ST3GAL4: variants seen among roughly 807,000 people sequenced by gnomAD.
ST3GAL4 encodes the protein ST3 beta-galactoside alpha-2,3-sialyltransferase 4, also known as CMP-N-acetylneuraminate-beta-galactosamide-alpha-2,3-sialyltransferase 4.
A neutral mutation model predicts 42.6 loss-of-function variants in ST3GAL4; 24 were observed. That is an observed-to-expected ratio of 0.56 (90% confidence interval 0.41 to 0.79). ST3GAL4 has a LOEUF of 0.79. Ranked by LOEUF, ST3GAL4 falls within the 30% of genes least tolerant of loss-of-function variation. The pLI is 0.00. For synonymous variants in ST3GAL4, 135 were observed against 163.2 expected (o/e 0.83, Z 1.32); for missense variants, 311 against 430.8 (o/e 0.72, Z 2.46).
intron 1 of ST3GAL4, among the ~76,000 whole-genome samples, chr11:126,356,589 TG>T (rs1952073547): frequency 6.6e-6 from 1 of 152,230 alleles, no homozygotes; most frequent in African/African-American, 2.4e-5. Flanking sequence ...TGACCTACTG[TG>T]GCTGCTTCCT....
In ST3GAL4 at chr11:126,411,201, A is replaced by C. The variant is rs1201331328; in HGVS notation, c.771+1790A>C. Among the ~76,000 whole-genome samples, 1 of 151,518 alleles carries C rather than the reference A, an allele frequency of 6.6e-6. No individual in the cohort carries two copies. The highest frequency in any genetic ancestry group is 1.5e-5 in the Non-Finnish European group (1 of 67,882). ...TGCTCTGTCACCCAGGCTGGAGTGCAGTGGGGTGATCTTGGCTCACTGCAA... is the reference window on the plus strand; with the variant it reads ...TGCTCTGTCACCCAGGCTGGAGTGCCGTGGGGTGATCTTGGCTCACTGCAA... On this transcript the variant is annotated intron_variant, in intron 9 of 10. Transcript: ENST00000444328. This position sits in a 1 kb window ranked among gnomAD's most constrained non-coding sequence, Gnocchi z 6.3.
At chr11:126,413,875 G>A (rs1356334666) in intron 10 of ST3GAL4, 86 bp from the exon 11 acceptor site, 25 of 1,500,758 alleles carry the variant, frequency 1.7e-5, no homozygotes, top group African/African-American at 4.1e-5. Context: ...AGAAGTGTGG[G>A]GCCATTGGGA....
chr11:126,378,917 T>C lies in ST3GAL4; in HGVS notation c.-61+23075T>C, dbSNP rs1342797624. 3.3e-5 allele frequency among the ~76,000 whole-genome samples: 5 copies of C among 152,202 alleles called. No individual in the cohort carries two copies. The highest frequency in any genetic ancestry group is 1.2e-4 in the African/African-American group (5 of 41,462). On this transcript the variant is annotated intron_variant, in intron 1 of 10. Transcript: ENST00000444328. This position sits in a 1 kb window ranked among gnomAD's most constrained non-coding sequence, Gnocchi z 5.3. ...CATAATCTGTGTCAAACCTAAGAATTTGAGTACAGAGGGATTCTGGAACAC... is the reference window on the plus strand; with the variant it reads ...CATAATCTGTGTCAAACCTAAGAATCTGAGTACAGAGGGATTCTGGAACAC...
rs560889398 is a variant in ST3GAL4 at position 126,408,478 on chromosome 11, C to A, written c.609C>A (p.Ile203=). The change falls in exon 8 of 11, where the codon ATC becomes ATA. Residue 203 remains isoleucine, a synonymous_variant. Transcript: ENST00000444328. ...TGGACTTCCACTGGATTGAGACCAT[C>A]CTGAGTGATAAGAAGCGGGTAAGTT... ...KAMDFHWIET[I]LSDKKRVRKG... is the part of the protein sequence containing the mutation. 3.8e-5 allele frequency: 62 copies of A among 1,614,214 alleles called. 2 individuals carry two copies. The South Asian group carries it at 5.7e-4, about 15-fold the overall frequency.
chr11:126,389,246 A>G (rs1953376148), intron 1 of ST3GAL4, among the ~76,000 whole-genome samples: 1 of 152,184 alleles, frequency 6.6e-6, no homozygotes, highest in Non-Finnish European at 1.5e-5. Context: ...AAAATATCTC[A>G]TCTATATAAA....
rs780434688 is a variant in ST3GAL4, at chr11:126,413,593, A to G, written c.860A>G (p.Tyr287Cys). The G allele has an allele frequency of 3.1e-5, 50 of 1,614,262 alleles. No homozygotes were observed. The highest frequency in any genetic ancestry group is 4.2e-5 in the Non-Finnish European group (49 of 1,180,052). Reference sequence around the variant, plus strand: ...GCCGGCTTTGGCTACCCAGACGCCTACAACAAGAAGCAGACCATTCACTAC... The same window carrying G: ...GCCGGCTTTGGCTACCCAGACGCCTGCAACAAGAAGCAGACCATTCACTAC... Reference protein sequence around the residue: ...HIAGFGYPDAYNKKQTIHYYE... With the variant: ...HIAGFGYPDACNKKQTIHYYE... The change falls in exon 10 of 11, where the codon TAC becomes TGC. Residue 287 changes from tyrosine to cysteine, a missense_variant. Coordinates refer to ENST00000444328, the MANE Select transcript of ST3GAL4 (RefSeq NM_001254757.2).
chr11:126,409,416 T>G lies in ST3GAL4; in HGVS notation c.771+5T>G. The G allele has an allele frequency of 6.2e-7, 1 of 1,614,152 alleles. No individual in the cohort carries two copies. Among genetic ancestry groups the G allele is most frequent in the Non-Finnish European group, 8.5e-7 (1 of 1,180,018 alleles). ...CAGCCACGGAAGATTAAGCAGGTGA[T>G]GATGGGAAGTCAGGCCTGAGGGCTA... On this transcript the variant is annotated splice_donor_5th_base_variant and intron_variant, in intron 9 of 10. Transcript: ENST00000444328. This position sits in a 1 kb window ranked among gnomAD's most constrained non-coding sequence, Gnocchi z 4.9.
In ST3GAL4 at chr11:126,406,878, C is replaced by T; in HGVS notation, c.102-65C>T. 2 of 1,444,570 alleles carry T rather than the reference C, an allele frequency of 1.4e-6. No homozygotes were observed. The highest frequency in any genetic ancestry group is 2.3e-5 in the East Asian group (1 of 44,016). The allele number at this position is 1,444,570 out of a possible 1,614,324, so 89.5% of individuals were successfully genotyped here. A position where few individuals can be genotyped will look rare whatever the true frequency, so the allele number is the denominator to read the frequency against. On this transcript the variant is annotated intron_variant, in intron 3 of 10. Coordinates refer to ENST00000444328, the MANE Select transcript of ST3GAL4 (RefSeq NM_001254757.2). This position sits in a 1 kb window ranked among gnomAD's most constrained non-coding sequence, Gnocchi z 5.4. ...TTCATGCCGTGGGAGAAGGCTTAGG[C>T]TGCCTGGAACATGGGTCCCTGGGTC... is the stretch of plus-strand genomic sequence containing the variant.
chr11:126,406,106 G>A lies in ST3GAL4; in HGVS notation c.-50G>A. The stretch of plus-strand genomic sequence containing the variant: ...GCTCTTATTTCCTAGGTGGCCCGAG[G>A]CAGCCGGGATGACAGCTCTCCCCAG... On this transcript the variant is annotated 5_prime_UTR_variant, in exon 2 of 11. Transcript: ENST00000444328. The surrounding 1 kb of genome is among the most constrained non-coding windows in gnomAD (Gnocchi z 5.4). The A allele has an allele frequency of 1.9e-6, 3 of 1,551,772 alleles. No individual in the cohort carries two copies. The highest frequency in any genetic ancestry group is 2.4e-5 in the South Asian group (2 of 84,058).
At chr11:126,407,704 TC>T in intron 6 of ST3GAL4, 70 bp downstream of exon 6, 1 of 1,120,684 alleles carries the variant, frequency 8.9e-7, no homozygotes. Context: ...CTCCCCCCAC[TC>T]CCCACCCCCC....
intron 1 of ST3GAL4, among the ~76,000 whole-genome samples, chr11:126,368,774 C>A (rs187261861): frequency 1.3e-5 from 2 of 152,344 alleles, no homozygotes; most frequent in African/African-American, 4.8e-5. Context: ...TGGGGTGCTT[C>A]TGGCGATGCC....
At chr11:126,362,193 CTTTTTTTTTT>C (rs763280766) in intron 1 of ST3GAL4, among the ~76,000 whole-genome samples, 9 of 119,092 alleles carry the variant, frequency 7.6e-5, no homozygotes, top group African/African-American at 9.9e-5. Flanking sequence ...ACATTTCTTC[CTTTTTTTTTT>C]TTTTTTTTTT....
At chr11:126,401,307 C>T (rs1465599913) in intron 1 of ST3GAL4, among the ~76,000 whole-genome samples, 1 of 151,396 alleles carries the variant, frequency 6.6e-6, no homozygotes, top group South Asian at 2.1e-4. Context: ...GTGGCTCACG[C>T]CTGTAATCCC....
intron 1 of ST3GAL4, among the ~76,000 whole-genome samples, chr11:126,367,281 C>A (rs958029701): frequency 1.3e-5 from 2 of 152,190 alleles, no homozygotes; most frequent in African/African-American, 4.8e-5. Flanking sequence ...ACCCCAGCAG[C>A]GTCTCCTGAG....
In ST3GAL4 at chr11:126,410,748, G is replaced by A. The variant is rs917878215; in HGVS notation, c.771+1337G>A. Reference sequence around the variant, plus strand: ...GAGGAAGTTGTGCTCCTTGCTCTAAGGGACCTCAGTCTAGCAGAGTAAGAA... The same window carrying A: ...GAGGAAGTTGTGCTCCTTGCTCTAAAGGACCTCAGTCTAGCAGAGTAAGAA... On this transcript the variant is annotated intron_variant, in intron 9 of 10. Coordinates refer to ENST00000444328, the MANE Select transcript of ST3GAL4 (RefSeq NM_001254757.2). The surrounding 1 kb of genome is among the most constrained non-coding windows in gnomAD (Gnocchi z 5.3). 3.3e-5 allele frequency among the ~76,000 whole-genome samples: 5 copies of A among 152,210 alleles called. No homozygotes were observed. Among genetic ancestry groups the A allele is most frequent in the African/African-American group, 4.8e-5 (2 of 41,452 alleles).
chr11:126,374,207 TTTGGGAG>T (rs1369901179), intron 1 of ST3GAL4, among the ~76,000 whole-genome samples: 1 of 151,786 alleles, frequency 6.6e-6, no homozygotes, highest in Non-Finnish European at 1.5e-5. Context: ...ATCCCAGCAC[TTTGGGAG>T]GCCGAGTTTG....
chr11:126,414,182 G>T lies in ST3GAL4; in HGVS notation c.*135G>T. 1 of 840,690 alleles carries T rather than the reference G, an allele frequency of 1.2e-6. No homozygotes were observed. The highest frequency in any genetic ancestry group is 2.0e-6 in the Non-Finnish European group (1 of 507,790). The allele number at this position is 840,690 out of a possible 1,614,324, so 52.1% of individuals were successfully genotyped here. ...TCTTGGGGAGGGAGTTCTGGGCCTGGCCAGGTCTGAGATGAGGCCATGCCC... is the reference window on the plus strand; with the variant it reads ...TCTTGGGGAGGGAGTTCTGGGCCTGTCCAGGTCTGAGATGAGGCCATGCCC... On this transcript the variant is annotated 3_prime_UTR_variant, in exon 11 of 11. Coordinates refer to ENST00000444328, the MANE Select transcript of ST3GAL4 (RefSeq NM_001254757.2).
intron 1 of ST3GAL4, among the ~76,000 whole-genome samples, chr11:126,380,566 G>A (rs916346331): frequency 6.6e-6 from 1 of 152,192 alleles, no homozygotes; most frequent in Non-Finnish European, 1.5e-5. Flanking sequence ...AGTTGACTCT[G>A]TTAATTTAGC....
rs1487299177 is a variant in ST3GAL4 at position 126,366,811 on chromosome 11, C to T, written c.-61+10969C>T. ...AGGTCTGCCGAGTGAGGGTTCCTTCCGGGAGGAGGCAGGGTGAGCGCAGAA... is the reference window on the plus strand; with the variant it reads ...AGGTCTGCCGAGTGAGGGTTCCTTCTGGGAGGAGGCAGGGTGAGCGCAGAA... On this transcript the variant is annotated intron_variant, in intron 1 of 10. Coordinates refer to ENST00000444328, the MANE Select transcript of ST3GAL4 (RefSeq NM_001254757.2). The surrounding 1 kb of genome is among the most constrained non-coding windows in gnomAD (Gnocchi z 4.2). Among the ~76,000 whole-genome samples, 5 of 152,116 alleles carry T rather than the reference C, an allele frequency of 3.3e-5. No homozygotes were observed. The highest frequency in any genetic ancestry group is 4.1e-4 in the South Asian group (2 of 4,822).
Sources: gnomAD v4.1 joint callset for allele counts (sites outside exome capture counted in the v4.1 genomes callset) on GRCh38, gnomAD v4.1.1 for gene constraint, Gnocchi (gnomAD v3.1) non-coding constraint, MANE v1.5 for transcripts, NCBI Gene and HGNC (gene_info 2026-07-23, HGNC 2026-07-21) for gene names.